NLGN1: variants seen among roughly 807,000 people sequenced by gnomAD.
The protein encoded by NLGN1 is neuroligin-1.
NLGN1 carries 12 observed loss-of-function variants against 65.5 expected under a neutral mutation model. The observed-to-expected ratio is 0.18, with a 90% CI of 0.12 to 0.30. The LOEUF (loss-of-function observed/expected upper bound fraction) is 0.30, where lower values mean the gene tolerates loss of function less well. Among genes scored for constraint, NLGN1 ranks in the 10% least tolerant of loss-of-function variants. NLGN1 has a pLI of 1.00. For missense variants in NLGN1, 750 were observed against 1,007.1 expected, an observed-to-expected ratio of 0.74 and a Z score of 3.46; for synonymous variants, 350 against 359.5, an observed-to-expected ratio of 0.97 and a Z score of 0.30.
At chr3:173,852,057 G>A (rs1028562831) in intron 4 of NLGN1, among the ~76,000 whole-genome samples, 2 of 151,870 alleles carry the variant, frequency 1.3e-5, no homozygotes, top group African/African-American at 4.8e-5. Flanking sequence ...TGAATCTAAA[G>A]TTGAGACTAA....
chr3:174,203,956 T>C lies in NLGN1; in HGVS notation c.647-71359T>C, dbSNP rs372996315. ...TTCTATTGGAGTCATTATTTTAAAATTACAATTATTATACAGACTTTTTTA... is the reference window on the plus strand; with the variant it reads ...TTCTATTGGAGTCATTATTTTAAAACTACAATTATTATACAGACTTTTTTA... On this transcript the variant is annotated intron_variant, in intron 4 of 6. Coordinates refer to ENST00000457714, the Ensembl canonical transcript of NLGN1. Among the ~76,000 whole-genome samples, 43 of 152,312 alleles carry C rather than the reference T, an allele frequency of 2.8e-4. No homozygotes were observed. In the East Asian group the frequency reaches 8.1e-3, roughly 29 times the overall value.
chr3:174,066,222 A>C (rs1364729448), intron 4 of NLGN1, among the ~76,000 whole-genome samples: 1 of 152,116 alleles, frequency 6.6e-6, no homozygotes, highest in African/African-American at 2.4e-5. Flanking sequence ...TTTTCAGAGG[A>C]AGTTTATTTT....
chr3:173,764,278 G>A (rs1020851024), intron 3 of NLGN1, among the ~76,000 whole-genome samples: 1 of 152,118 alleles, frequency 6.6e-6, no homozygotes, highest in African/African-American at 2.4e-5. Flanking sequence ...TGACCTGGAA[G>A]CCTAATGTGC....
intron 4 of NLGN1, among the ~76,000 whole-genome samples, chr3:173,865,720 C>G (rs1356062536): frequency 1.3e-5 from 2 of 152,054 alleles, no homozygotes; most frequent in Non-Finnish European, 2.9e-5. Flanking sequence ...TAAACTGCTT[C>G]TTGGAAAGGT....
At chr3:173,696,558 A>G (rs1341636147) in intron 3 of NLGN1, among the ~76,000 whole-genome samples, 2 of 152,198 alleles carry the variant, frequency 1.3e-5, no homozygotes, top group African/African-American at 2.4e-5. Flanking sequence ...GAAGAGTTAT[A>G]TGGTAAGCAT....
At chr3:173,777,538 A>G (rs190173057) in intron 3 of NLGN1, among the ~76,000 whole-genome samples, 1 of 151,960 alleles carries the variant, frequency 6.6e-6, no homozygotes, top group Non-Finnish European at 1.5e-5. Flanking sequence ...CCTTTTAGCT[A>G]TTTTGAAATA....
At chr3:174,038,081 C>A (rs150115994) in intron 4 of NLGN1, among the ~76,000 whole-genome samples, 53 of 152,022 alleles carry the variant, frequency 3.5e-4, no homozygotes, top group African/African-American at 1.2e-3. Context: ...AGGCATGAAG[C>A]CTGCTGAAGA....
At chr3:173,751,997 A>G (rs1776371618) in intron 3 of NLGN1, among the ~76,000 whole-genome samples, 1 of 152,074 alleles carries the variant, frequency 6.6e-6, no homozygotes. Flanking sequence ...TCTTAACATG[A>G]GTGGTTTAGC....
intron 3 of NLGN1, among the ~76,000 whole-genome samples, chr3:173,764,693 A>G (rs1308564576): frequency 1.3e-5 from 2 of 152,220 alleles, no homozygotes; most frequent in African/African-American, 2.4e-5. Flanking sequence ...GGATTCACTC[A>G]TTAAATGGGT....
intron 4 of NLGN1, among the ~76,000 whole-genome samples, chr3:174,061,993 T>C (rs914549702): frequency 6.6e-6 from 1 of 152,172 alleles, no homozygotes; most frequent in Non-Finnish European, 1.5e-5. Context: ...ATCGGAAGCC[T>C]AGTTATTCCA....
At chr3:173,562,369 C>CT (rs1323961722) in intron 2 of NLGN1, among the ~76,000 whole-genome samples, 1 of 152,114 alleles carries the variant, frequency 6.6e-6, no homozygotes, top group African/African-American at 2.4e-5. Context: ...GAGATCGAGA[C>CT]TATCTTGGCC....
chr3:173,530,026 C>T (rs1736303509), intron 2 of NLGN1, among the ~76,000 whole-genome samples: 1 of 151,518 alleles, frequency 6.6e-6, no homozygotes, highest in South Asian at 2.1e-4. Flanking sequence ...GGCGCGATCT[C>T]AGCTTACTGC....
At chr3:173,815,739 C>A (rs1265450436) in intron 4 of NLGN1, among the ~76,000 whole-genome samples, 3 of 152,146 alleles carry the variant, frequency 2.0e-5, no homozygotes, top group Non-Finnish European at 4.4e-5. Context: ...CAAATGCCAT[C>A]TCTATGGAAG....
In NLGN1 at chr3:174,001,873, AT is replaced by A. The variant is rs202171125; in HGVS notation, c.646+194042del. On this transcript the variant is annotated intron_variant, in intron 4 of 6. Transcript: ENST00000457714. ...GAGATGGTTCATGTAAAAACATCTT[AT>A]AATGTACAGAATAACCTCCAAACAA... Among the ~76,000 whole-genome samples, 667 of 152,192 alleles carry A rather than the reference AT, an allele frequency of 4.4e-3. 5 individuals carry two copies. The highest frequency in any genetic ancestry group is 0.015 in the African/African-American group (624 of 41,514).
intron 3 of NLGN1, among the ~76,000 whole-genome samples, chr3:173,618,515 G>A (rs1045322791): frequency 6.6e-6 from 1 of 152,004 alleles, no homozygotes; most frequent in Non-Finnish European, 1.5e-5. Context: ...TTAGATATTA[G>A]CAACCACAGA....
At chr3:174,183,723 G>T (rs1340380845) in intron 4 of NLGN1, among the ~76,000 whole-genome samples, 1 of 152,110 alleles carries the variant, frequency 6.6e-6, no homozygotes, top group African/African-American at 2.4e-5. Flanking sequence ...AATTTAAACT[G>T]CCCTAAAAAG....
At chr3:174,137,621 C>T (rs1194046590) in intron 4 of NLGN1, among the ~76,000 whole-genome samples, 1 of 152,058 alleles carries the variant, frequency 6.6e-6, no homozygotes, top group Non-Finnish European at 1.5e-5. Context: ...TTATGCTCTA[C>T]CAGAAATTAT....
At chr3:173,839,869 A>G (rs912954558) in intron 4 of NLGN1, among the ~76,000 whole-genome samples, 1 of 82,714 alleles carries the variant, frequency 1.2e-5, no homozygotes, top group African/African-American at 3.9e-5. Context: ...GAAATGTGGT[A>G]TTATAGATAT....
intron 3 of NLGN1, among the ~76,000 whole-genome samples, chr3:173,634,227 A>G (rs551918305): frequency 2.6e-5 from 4 of 152,270 alleles, no homozygotes; most frequent in East Asian, 1.9e-4. Context: ...AAATCACTAG[A>G]CAATTTGTTA....
Sources: allele counts gnomAD v4.1 joint callset (sites outside exome capture counted in the v4.1 genomes callset), GRCh38; gene constraint gnomAD v4.1.1; transcripts MANE v1.5; gene names NCBI Gene and HGNC (gene_info 2026-07-23, HGNC 2026-07-21).